The following TLR6 variants were observed in gnomAD, a reference collection of about 807,000 sequenced individuals.
TLR6 encodes toll like receptor 6.
In TLR6, 9 loss-of-function variants were observed where a neutral mutation model predicts 16.1. That is an observed-to-expected ratio of 0.56 (90% CI 0.34 to 0.98). TLR6 has a LOEUF of 0.98. TLR6 is among the 50% of genes least tolerant of loss of function. The pLI is 0.02. For missense variants in TLR6, 786 were observed against 921.0 expected, an observed-to-expected ratio of 0.85 and a Z score of 1.90; for synonymous variants, 340 against 338.6, an observed-to-expected ratio of 1.00 and a Z score of -0.04.
At chr4:38,831,662 A>G (rs1711593561) in intron 1 of TLR6, among the ~76,000 whole-genome samples, 1 of 152,232 alleles carries the variant, frequency 6.6e-6, no homozygotes, top group Non-Finnish European at 1.5e-5. Flanking sequence ...AAGCTCCACA[A>G]TAAGAAAACA....
upstream of TLR6, among the ~76,000 whole-genome samples, chr4:38,861,741 C>A (rs376790956): frequency 4.4e-4 from 67 of 152,282 alleles, no homozygotes; most frequent in African/African-American, 1.6e-3. Context: ...TCTCCTCTTT[C>A]ACACCTCCTC....
chr4:38,858,642 C>T (rs112819358), upstream of TLR6, among the ~76,000 whole-genome samples: 34,709 of 151,388 alleles, frequency 0.23, 4,814 homozygotes, highest in Non-Finnish European at 0.31. Flanking sequence ...ATCATTGGAA[C>T]CCAGGAGGCA....
upstream of TLR6, among the ~76,000 whole-genome samples, chr4:38,859,093 G>A (rs887665230): frequency 2.6e-5 from 4 of 152,162 alleles, no homozygotes; most frequent in Admixed American, 1.3e-4. Context: ...CTGGGTAATC[G>A]TTCCAGCTTG....
At chr4:38,843,393 CA>C (rs1359891504) in intron 1 of TLR6, among the ~76,000 whole-genome samples, 1 of 152,200 alleles carries the variant, frequency 6.6e-6, no homozygotes, top group Non-Finnish European at 1.5e-5. Flanking sequence ...GAGCACTGCA[CA>C]TTGCTCAGTT....
chr4:38,831,748 A>G (rs980514288), intron 1 of TLR6, among the ~76,000 whole-genome samples: 2 of 152,242 alleles, frequency 1.3e-5, no homozygotes, highest in African/African-American at 4.8e-5. Flanking sequence ...GAGCAAATAC[A>G]CATATACATA....
In TLR6 at chr4:38,828,893, A is replaced by G. The variant is rs5743809; in HGVS notation, c.581T>C (p.Leu194Pro). The G allele has an allele frequency of 2.1e-3, 3,427 of 1,611,972 alleles. 72 individuals carry two copies. In the African/African-American group the frequency reaches 0.04, roughly 19 times the overall value. Residue 194 changes from leucine to proline, a missense_variant, in exon 2 of 2, where the codon CTG becomes CCG. Coordinates refer to ENST00000436693, the Ensembl canonical transcript of TLR6. Reference sequence around the variant, plus strand: ...AACAAGGTGAAGGGTTTTTGCATTCAGAATTTGTAGACTTTCTGTCTCATT... The same window carrying G: ...AACAAGGTGAAGGGTTTTTGCATTCGGAATTTGTAGACTTTCTGTCTCATT...
chr4:38,855,160 C>T (rs1445702399), intron 1 of TLR6, among the ~76,000 whole-genome samples: 3 of 148,324 alleles, frequency 2.0e-5, no homozygotes, highest in African/African-American at 5.0e-5. Context: ...TGCAGTGAGC[C>T]GAGATCGTGC....
chr4:38,852,853 C>T (rs1232700381), intron 1 of TLR6, among the ~76,000 whole-genome samples: 1 of 152,142 alleles, frequency 6.6e-6, no homozygotes, highest in Non-Finnish European at 1.5e-5. Context: ...ACTAGAAATA[C>T]GATTTGACCC....
At chr4:38,861,758 C>G (rs919349543), upstream of TLR6, among the ~76,000 whole-genome samples, 3 of 152,160 alleles carry the variant, frequency 2.0e-5, no homozygotes, top group Non-Finnish European at 2.9e-5. Context: ...CCTCTTGTCT[C>G]TTTCACTTCC....
At chr4:38,828,120 T>A (rs778137596) in exon 2 of TLR6, 2 of 1,614,100 alleles carry the variant, frequency 1.2e-6, no homozygotes, top group Admixed American at 3.3e-5. Context: ...AGTACCTTGA[T>A]CCTGGGAGGT....
At chr4:38,833,664 C>A (rs1711747701) in intron 1 of TLR6, among the ~76,000 whole-genome samples, 1 of 152,010 alleles carries the variant, frequency 6.6e-6, no homozygotes, top group Non-Finnish European at 1.5e-5. Context: ...ATGAAGCCTC[C>A]AAAGGAACAC....
At position 38,829,081 on chromosome 4, in the gene TLR6, A is replaced by G. The variant is rs2109412226; in HGVS notation, c.393T>C (p.Asn131=). ...TACAGATGGGCAGGGCCTTGAAATC[A>G]TTGAATGAGAGATCTAAATGCCTGA... Residue 131 remains asparagine, a synonymous_variant, in exon 2 of 2, where the codon AAT becomes AAC. Coordinates refer to ENST00000436693, the Ensembl canonical transcript of TLR6. The G allele has an allele frequency of 2.5e-6, 4 of 1,614,194 alleles. No individual in the cohort carries two copies. The East Asian group carries it at 8.9e-5, about 36-fold the overall frequency.
At chr4:38,827,718 G>C (rs1459855093) in exon 2 of TLR6, 1 of 1,614,126 alleles carries the variant, frequency 6.2e-7, no homozygotes, top group Non-Finnish European at 8.5e-7. Flanking sequence ...ACGATCAGCA[G>C]AGTTATGTTG....
chr4:38,848,471 C>G (rs562855246), intron 1 of TLR6, among the ~76,000 whole-genome samples: 1 of 152,336 alleles, frequency 6.6e-6, no homozygotes, highest in Admixed American at 6.5e-5. Context: ...TTCAGACGAT[C>G]AAACTTCTCC....
chr4:38,823,789 G>T (rs553916013), exon 2 of TLR6: 2 of 152,314 alleles, frequency 1.3e-5, no homozygotes, highest in Admixed American at 1.3e-4. Flanking sequence ...AAACAAAAGC[G>T]CGCATCCTAC....
intron 1 of TLR6, among the ~76,000 whole-genome samples, chr4:38,834,182 G>T (rs552817099): frequency 2.8e-4 from 42 of 151,428 alleles, no homozygotes; most frequent in African/African-American, 9.7e-4. Flanking sequence ...AGGTTGCAGC[G>T]AGCTGAGATT....
At chr4:38,860,079 A>T (rs1713162734), upstream of TLR6, among the ~76,000 whole-genome samples, 1 of 142,958 alleles carries the variant, frequency 7.0e-6, no homozygotes, top group Non-Finnish European at 1.5e-5. Flanking sequence ...TCCAGATAAT[A>T]AATAAATAAA....
intron 1 of TLR6, among the ~76,000 whole-genome samples, chr4:38,840,995 C>G (rs1712231294): frequency 6.6e-6 from 1 of 152,098 alleles, no homozygotes; most frequent in African/African-American, 2.4e-5. Flanking sequence ...TACCTCCATG[C>G]AATTGCCCAT....
At chr4:38,853,385 A>T (rs902613153) in intron 1 of TLR6, among the ~76,000 whole-genome samples, 5 of 152,200 alleles carry the variant, frequency 3.3e-5, no homozygotes, top group Middle Eastern at 3.4e-3. Context: ...ATAATAATAA[A>T]AAAAAAAGAA....
Sources: allele counts gnomAD v4.1 joint callset (sites outside exome capture counted in the v4.1 genomes callset), GRCh38; gene constraint gnomAD v4.1.1; transcripts MANE v1.5; gene names NCBI Gene and HGNC (gene_info 2026-07-23, HGNC 2026-07-21).